ANKRD11: variants seen among roughly 807,000 people sequenced by gnomAD.
ANKRD11 encodes ankyrin repeat domain 11, also known as ankyrin repeat domain-containing protein 11.
In ANKRD11, 17 loss-of-function variants were observed where a neutral mutation model predicts 195.7. The ratio of observed to expected loss-of-function variants is 0.09; its 90% CI spans 0.06 to 0.13. The LOEUF is 0.13. Ranked by LOEUF, ANKRD11 falls within the 10% of genes least tolerant of loss-of-function variation. ANKRD11 has a pLI of 1.00. For missense variants in ANKRD11, 3,735 were observed against 3,566.1 expected (o/e 1.05, Z -1.21); for synonymous variants, 1,953 against 1,528.1 (o/e 1.28, Z -6.49).
chr16:89,393,399 C>G (rs2041285731), intron 2 of ANKRD11, among the ~76,000 whole-genome samples: 1 of 151,030 alleles, frequency 6.6e-6, no homozygotes, highest in Admixed American at 6.6e-5. Flanking sequence ...TATTGGCTCA[C>G]TGCAACCTCT....
chr16:89,489,671 G>T (rs1243669694), intron 1 of ANKRD11, among the ~76,000 whole-genome samples: 1 of 151,688 alleles, frequency 6.6e-6, no homozygotes, highest in Non-Finnish European at 1.5e-5. Context: ...AGAACCCGGC[G>T]CCCGGCCAGC....
chr16:89,387,706 A>G (rs1176104246), intron 2 of ANKRD11, among the ~76,000 whole-genome samples: 1 of 147,258 alleles, frequency 6.8e-6, no homozygotes, highest in African/African-American at 2.5e-5. Context: ...AAAAAAAAAA[A>G]AAAAGACTGT....
chr16:89,382,674 C>T (rs1442680266), intron 2 of ANKRD11, among the ~76,000 whole-genome samples: 1 of 151,402 alleles, frequency 6.6e-6, no homozygotes, highest in Non-Finnish European at 1.5e-5. Flanking sequence ...TAGATGGGGT[C>T]TCACTATGTT....
Position 89,381,140 on chromosome 16 carries a change from T to A in ANKRD11, c.-60+37144A>T, listed in dbSNP as rs193249555. On this transcript the variant is annotated intron_variant, in intron 2 of 12. Coordinates refer to ENST00000301030, the MANE Select transcript of ANKRD11 (RefSeq NM_013275.6). ...GAGTTTGAGACCAGCCCGGCCAACA[T>A]GGCGAAACCCTATTTCTACTGAAAA... Among the ~76,000 whole-genome samples the A allele has an allele frequency of 1.8e-3, 270 of 152,148 alleles. 2 individuals are homozygous for A. Among genetic ancestry groups the A allele is most frequent in the African/African-American group, 5.7e-3 (236 of 41,478 alleles).
intron 2 of ANKRD11, chr16:89,323,451 G>A (rs561282889): frequency 2.5e-6 from 1 of 406,638 alleles, no homozygotes; most frequent in Non-Finnish European, 4.0e-6. Context: ...GCCGAGGGCA[G>A]GGGGGCAGAG....
At chr16:89,484,728 G>C (rs1040965069) in intron 1 of ANKRD11, among the ~76,000 whole-genome samples, 2 of 152,100 alleles carry the variant, frequency 1.3e-5, no homozygotes, top group Admixed American at 6.5e-5. Flanking sequence ...ACATTTTTTA[G>C]AGTTAAGTAA....
Position 89,279,436 on chromosome 16 carries a change from G to A in ANKRD11, c.7106C>T (p.Ala2369Val), listed in dbSNP as rs1555524986. ...GTCGTCCTCGGAGCCGCGGGCCTTG[G>A]CCCTGGTGACCGGGGCAGGGGTGGG... is the stretch of plus-strand genomic sequence containing the variant. ...CAPTPAPVTRAKARGSEDDDA... is the reference protein window; with the variant it reads ...CAPTPAPVTRVKARGSEDDDA... Residue 2369 changes from alanine (A) to valine (V), a missense_variant, in exon 9 of 13, where the codon GCC becomes GTC. Physicochemically the swap from Ala to Val is moderately conservative, Grantham distance 64 (BLOSUM62 0). Transcript: ENST00000301030. The surrounding 1 kb of genome is among the most constrained non-coding windows in gnomAD (Gnocchi z 5.6). The A allele has an allele frequency of 2.0e-6, 3 of 1,514,836 alleles. No individual in the cohort carries two copies. The highest frequency in any genetic ancestry group is 2.7e-6 in the Non-Finnish European group (3 of 1,130,278). The allele number at this position is 1,514,836 out of a possible 1,614,324, so 93.8% of individuals were successfully genotyped here. A position where few individuals can be genotyped will look rare whatever the true frequency, so the allele number is the denominator to read the frequency against.
At chr16:89,457,761 G>T (rs531718278) in intron 1 of ANKRD11, among the ~76,000 whole-genome samples, 4 of 151,962 alleles carry the variant, frequency 2.6e-5, no homozygotes, top group Non-Finnish European at 4.4e-5. Flanking sequence ...TTAATACCTG[G>T]GGTATCAAAA....
At chr16:89,478,710 G>A (rs902665958) in intron 1 of ANKRD11, among the ~76,000 whole-genome samples, 9 of 152,194 alleles carry the variant, frequency 5.9e-5, no homozygotes, top group South Asian at 4.1e-4. Context: ...CCACTAAAGC[G>A]GGTGGCAGTT....
intron 2 of ANKRD11, among the ~76,000 whole-genome samples, chr16:89,336,957 C>T (rs1368490218): frequency 1.4e-5 from 2 of 138,568 alleles, no homozygotes; most frequent in African/African-American, 5.4e-5. Context: ...ATTGCTTGAG[C>T]TCAGGAGGTG....
At chr16:89,411,945 G>A (rs889588242) in intron 2 of ANKRD11, among the ~76,000 whole-genome samples, 1 of 145,764 alleles carries the variant, frequency 6.9e-6, no homozygotes, top group African/African-American at 2.6e-5. Flanking sequence ...AGAGTCTCCT[G>A]GCCGTGCCCC....
intron 6 of ANKRD11, 120 bp from the exon 7 acceptor site, chr16:89,288,790 G>A: frequency 7.1e-7 from 1 of 1,408,048 alleles, no homozygotes; most frequent in East Asian, 2.3e-5. Flanking sequence ...GAGCTGCCCT[G>A]TAGTGAGGGC....
At position 89,281,787 on chromosome 16, in the gene ANKRD11, C is replaced by T. The variant is rs748301477; in HGVS notation, c.4755G>A (p.Arg1585=). The T allele has an allele frequency of 4.3e-6, 7 of 1,614,062 alleles. No homozygotes were observed. The highest frequency in any genetic ancestry group is 5.9e-6 in the Non-Finnish European group (7 of 1,180,022). ...TCTCCAGGTCCTTCTGGGACAGCAT[C>T]CTCTCGAAGCTGGTCATCATCAGGT... is the stretch of plus-strand genomic sequence containing the variant. ...DGDLMMTSFE[R]MLSQKDLEIE... is the part of the protein sequence containing the mutation. The change falls in exon 9 of 13, where the codon AGG becomes AGA. Residue 1585 remains arginine (R), a synonymous_variant. Transcript: ENST00000301030. This position sits in a 1 kb window ranked among gnomAD's most constrained non-coding sequence, Gnocchi z 5.5.
At chr16:89,398,069 C>T (rs749021242) in intron 2 of ANKRD11, among the ~76,000 whole-genome samples, 22 of 151,468 alleles carry the variant, frequency 1.5e-4, no homozygotes, top group East Asian at 1.9e-4. Flanking sequence ...AATCTGGTGA[C>T]GCTGTGAAAC....
chr16:89,276,884 T>C (rs984189554), intron 9 of ANKRD11, among the ~76,000 whole-genome samples: 2 of 151,942 alleles, frequency 1.3e-5, no homozygotes, highest in Non-Finnish European at 2.9e-5. Flanking sequence ...GGTGAAACCC[T>C]GTCTCTACAG....
intron 2 of ANKRD11, among the ~76,000 whole-genome samples, chr16:89,318,896 C>CATATT (rs1555540570): frequency 6.6e-6 from 1 of 152,134 alleles, no homozygotes; most frequent in Non-Finnish European, 1.5e-5. Flanking sequence ...TGAGGCCAGA[C>CATATT]ATATTTTCTC....
intron 2 of ANKRD11, chr16:89,324,139 T>C (rs924051426): frequency 2.2e-5 from 20 of 929,938 alleles, no homozygotes; most frequent in Non-Finnish European, 2.8e-5. Flanking sequence ...CGCTCTCTAC[T>C]GCAGCCCTGT....
chr16:89,282,553 C>T lies in ANKRD11; in HGVS notation c.3989G>A (p.Gly1330Glu), dbSNP rs2034346887. The T allele has an allele frequency of 6.2e-7, 1 of 1,613,952 alleles. No individual in the cohort carries two copies. The highest frequency in any genetic ancestry group is 1.3e-5 in the African/African-American group (1 of 74,898). ...GGCGCTCTCCCTCGGCTTGTCGTCT[C>T]CAGGTGGCTCCGTGAAAGAGACCTC... ...FLEVSFTEPP[G>E]DDKPRESACL... The change falls in exon 9 of 13, where the codon GGA (glycine) becomes GAA (glutamate). Residue 1330 changes from glycine (G) to glutamate (E), a missense_variant. Gly to Glu is a moderately conservative substitution (Grantham distance 98). Coordinates refer to ENST00000301030, the MANE Select transcript of ANKRD11 (RefSeq NM_013275.6).
intron 2 of ANKRD11, among the ~76,000 whole-genome samples, chr16:89,417,547 A>C (rs1392583966): frequency 6.6e-6 from 1 of 152,188 alleles, no homozygotes; most frequent in East Asian, 1.9e-4. Context: ...AGTGACTCCC[A>C]GGAGGAGGCA....
Sources: allele counts gnomAD v4.1 joint callset (sites outside exome capture counted in the v4.1 genomes callset), GRCh38; gene constraint gnomAD v4.1.1; non-coding constraint Gnocchi (gnomAD v3.1); transcripts MANE v1.5; gene names NCBI Gene and HGNC (gene_info 2026-07-23, HGNC 2026-07-21).